The following THSD7B variants were observed in gnomAD, a reference collection of about 807,000 sequenced individuals.
The protein encoded by THSD7B is thrombospondin type 1 domain containing 7B.
In THSD7B, 138 loss-of-function variants were observed where a neutral mutation model predicts 213.6. That is an observed-to-expected ratio of 0.65 (90% CI 0.56 to 0.74). The LOEUF (loss-of-function observed/expected upper bound fraction) is 0.74, where lower values mean the gene tolerates loss of function less well. THSD7B is among the 30% of genes least tolerant of loss of function. The pLI, the probability that THSD7B is intolerant of heterozygous loss-of-function variation, is 0.00. For missense variants in THSD7B, 1,931 were observed against 1,991.5 expected (o/e 0.97, Z 0.58); for synonymous variants, 742 against 687.0 (o/e 1.08, Z -1.25).
chr2:137,388,883 G>T (rs1432954869), intron 12 of THSD7B, among the ~76,000 whole-genome samples: 1 of 151,912 alleles, frequency 6.6e-6, no homozygotes, highest in East Asian at 1.9e-4. Flanking sequence ...ATTCTATTGT[G>T]TATATATACC....
chr2:137,083,232 TTTA>T (rs1180280082), intron 3 of THSD7B, among the ~76,000 whole-genome samples: 1 of 152,124 alleles, frequency 6.6e-6, no homozygotes, highest in Non-Finnish European at 1.5e-5. Context: ...AAACATCATT[TTTA>T]TCAAATAACA....
chr2:136,967,234 A>G (rs1685330961), intron 2 of THSD7B, among the ~76,000 whole-genome samples: 2 of 152,216 alleles, frequency 1.3e-5, no homozygotes, highest in South Asian at 2.1e-4. Context: ...GAAAGGAAAT[A>G]CTGAAGGACT....
At chr2:136,829,913 T>C (rs2104946118) in intron 1 of THSD7B, among the ~76,000 whole-genome samples, 1 of 152,322 alleles carries the variant, frequency 6.6e-6, no homozygotes, top group South Asian at 2.1e-4. Flanking sequence ...AAATATCCTT[T>C]CCCTCTTGCC....
intron 2 of THSD7B, among the ~76,000 whole-genome samples, chr2:137,042,828 T>G (rs1173594932): frequency 1.3e-5 from 2 of 152,246 alleles, no homozygotes; most frequent in Admixed American, 6.5e-5. Flanking sequence ...ATTTTCATTA[T>G]GTAATTGTAA....
intron 26 of THSD7B, 43 bp downstream of exon 26, chr2:137,663,618 G>T (rs1484688824): frequency 6.5e-7 from 1 of 1,530,262 alleles, no homozygotes; most frequent in East Asian, 2.3e-5. Context: ...TTTCTCATGG[G>T]AGGTCTATAT....
At position 137,468,214 on chromosome 2, in the gene THSD7B, GA is replaced by G. The variant is rs531181421; in HGVS notation, c.3138+17195del. The stretch of plus-strand genomic sequence containing the variant: ...AAGTGAAATAAGAGCCTGTATTTAT[GA>G]AAAGAAATCCCAGTGAAAATTGTCA... On this transcript the variant is annotated intron_variant, in intron 15 of 27. Transcript: ENST00000409968. Among the ~76,000 whole-genome samples the G allele has an allele frequency of 3.9e-5, 6 of 152,210 alleles. No homozygotes were observed. In the South Asian group the frequency reaches 1.2e-3, roughly 32 times the overall value.
At chr2:136,917,044 G>A (rs1330463302) in intron 2 of THSD7B, among the ~76,000 whole-genome samples, 1 of 152,136 alleles carries the variant, frequency 6.6e-6, no homozygotes, top group Non-Finnish European at 1.5e-5. Context: ...AATTGATACT[G>A]GTTTTATCAG....
chr2:136,971,469 A>C (rs1341051217), intron 2 of THSD7B, among the ~76,000 whole-genome samples: 4 of 152,128 alleles, frequency 2.6e-5, no homozygotes, highest in Non-Finnish European at 4.4e-5. Flanking sequence ...TGGTGTAGGA[A>C]GAAATAACTA....
chr2:137,013,886 C>G (rs148947143), intron 2 of THSD7B, among the ~76,000 whole-genome samples: 5 of 152,222 alleles, frequency 3.3e-5, no homozygotes, highest in African/African-American at 1.2e-4. Context: ...AAATATAAGC[C>G]TGGGGTTTAC....
chr2:137,139,269 T>C (rs1200291112), intron 5 of THSD7B, among the ~76,000 whole-genome samples: 1 of 152,182 alleles, frequency 6.6e-6, no homozygotes, highest in Admixed American at 6.6e-5. Context: ...TTTCAAGGAA[T>C]GTTAACTAGA....
chr2:137,195,265 C>T (rs934237779), intron 7 of THSD7B, among the ~76,000 whole-genome samples: 1 of 151,506 alleles, frequency 6.6e-6, no homozygotes, highest in Admixed American at 6.6e-5. Context: ...CACACACACA[C>T]GTGTTTCTAT....
intron 2 of THSD7B, among the ~76,000 whole-genome samples, chr2:136,919,212 C>A (rs1573710381): frequency 6.6e-6 from 1 of 152,192 alleles, no homozygotes; most frequent in South Asian, 2.1e-4. Flanking sequence ...CTACAGTTGG[C>A]AATCTCATAA....
intron 15 of THSD7B, among the ~76,000 whole-genome samples, chr2:137,542,373 A>C (rs530314590): frequency 1.1e-4 from 16 of 151,854 alleles, no homozygotes; most frequent in African/African-American, 3.4e-4. Context: ...ATTAAGGAGA[A>C]ATTAAGAAAC....
intron 2 of THSD7B, among the ~76,000 whole-genome samples, chr2:137,035,476 T>C (rs1686758516): frequency 6.6e-6 from 1 of 152,188 alleles, no homozygotes; most frequent in Non-Finnish European, 1.5e-5. Flanking sequence ...ATAACATTTT[T>C]TTATTCCTCA....
At chr2:137,418,844 T>C (rs1190391570) in intron 14 of THSD7B, among the ~76,000 whole-genome samples, 1 of 152,164 alleles carries the variant, frequency 6.6e-6, no homozygotes, top group Non-Finnish European at 1.5e-5. Context: ...GTTCAATCAA[T>C]GTTGCTGCAA....
intron 22 of THSD7B, 68 bp from the exon 23 acceptor site, chr2:137,656,728 C>A: frequency 6.8e-7 from 1 of 1,471,710 alleles, no homozygotes; most frequent in Non-Finnish European, 9.2e-7. Flanking sequence ...TGAGCCCTGC[C>A]CATGCAAATG....
chr2:136,774,200 C>A (rs572935536), intron 1 of THSD7B, among the ~76,000 whole-genome samples: 2 of 151,996 alleles, frequency 1.3e-5, no homozygotes, highest in African/African-American at 2.4e-5. Context: ...CTAAAAGTAA[C>A]CTTTAACTAA....
intron 15 of THSD7B, among the ~76,000 whole-genome samples, chr2:137,457,254 G>A (rs1558803175): frequency 6.6e-6 from 1 of 152,086 alleles, no homozygotes; most frequent in Non-Finnish European, 1.5e-5. Flanking sequence ...TGTCCATGTA[G>A]TCTTACATTT....
intron 7 of THSD7B, among the ~76,000 whole-genome samples, chr2:137,188,159 C>T (rs917880470): frequency 3.3e-5 from 5 of 152,144 alleles, no homozygotes; most frequent in Non-Finnish European, 7.3e-5. Flanking sequence ...CTAAAAGAAT[C>T]GTAGGCATTG....
Sources: gnomAD v4.1 joint callset for allele counts (sites outside exome capture counted in the v4.1 genomes callset) on GRCh38, gnomAD v4.1.1 for gene constraint, MANE v1.5 for transcripts, NCBI Gene and HGNC (gene_info 2026-07-23, HGNC 2026-07-21) for gene names.